Variants in DUS1L observed in about 807,000 individuals in gnomAD.
DUS1L encodes dihydrouridine synthase 1 like.
A neutral mutation model predicts 61.2 loss-of-function variants in DUS1L; 56 were observed. The observed-to-expected ratio is 0.92, with a 90% CI of 0.74 to 1.14. The LOEUF (loss-of-function observed/expected upper bound fraction) is 1.14. Among genes scored for constraint, DUS1L ranks in the 50% most tolerant of loss-of-function variants. DUS1L has a pLI of 0.00. For synonymous variants in DUS1L, 278 were observed against 259.5 expected, an observed-to-expected ratio of 1.07 and a Z score of -0.69; for missense variants, 630 against 632.4, an observed-to-expected ratio of 1.00 and a Z score of 0.04.
intron 3 of DUS1L, 68 bp from the exon 4 acceptor site, chr17:82,063,586 C>T (rs2033617034): frequency 1.3e-6 from 2 of 1,597,636 alleles, no homozygotes; most frequent in Non-Finnish European, 1.7e-6. Flanking sequence ...CCTTGCACCC[C>T]CTCTGCACCC....
intron 10 of DUS1L, 88 bp from the exon 11 acceptor site, chr17:82,060,181 G>T: frequency 1.3e-6 from 2 of 1,501,660 alleles, no homozygotes; most frequent in South Asian, 2.5e-5. Context: ...TGGGTGAGGG[G>T]CCAGGCGGCC....
At position 82,061,717 on chromosome 17, in the gene DUS1L, C is replaced by T. The variant is rs760199428; in HGVS notation, c.598G>A (p.Ala200Thr). 4 of 1,612,794 alleles carry T rather than the reference C, an allele frequency of 2.5e-6. No homozygotes were observed. Among genetic ancestry groups the T allele is most frequent in the Non-Finnish European group, 3.4e-6 (4 of 1,179,850 alleles). Residue 200 changes from alanine (A) to threonine (T), a missense_variant, in exon 7 of 14, where the codon GCT (alanine) becomes ACT (threonine). Ala to Thr is a moderately conservative substitution (Grantham distance 58). Coordinates refer to ENST00000306796, the MANE Select transcript of DUS1L (RefSeq NM_022156.5). ...TTAGCAAACACAGGGATGGCCACAG[C>T]CTTCCTGTTGGCAGAGAAATGCCTG... ...SWEHIKAVRK[A>T]VAIPVFANGN...
intron 3 of DUS1L, 53 bp downstream of exon 3, chr17:82,064,073 G>T: frequency 6.6e-7 from 1 of 1,521,042 alleles, no homozygotes; most frequent in Non-Finnish European, 9.0e-7. Context: ...GGGCTGCACT[G>T]AGCTGGCTCT....
chr17:82,063,791 C>A (rs899653971), intron 3 of DUS1L, among the ~76,000 whole-genome samples: 1 of 152,208 alleles, frequency 6.6e-6, no homozygotes, highest in African/African-American at 2.4e-5. Context: ...CGGTCTGGAA[C>A]CAAGTAACAC....
At chr17:82,062,217 G>A (rs1018853010) in intron 5 of DUS1L, among the ~76,000 whole-genome samples, 2 of 152,184 alleles carry the variant, frequency 1.3e-5, no homozygotes, top group Non-Finnish European at 1.5e-5. Context: ...CACTCTGTGG[G>A]AACCTCAGGC....
chr17:82,064,960 G>A lies in DUS1L; in HGVS notation c.100C>T (p.Leu34=). ...TGTGCCCCGTGGCGCCGGCTCAGCA[G>A]CCTCCAGGCCAGCTCGCTCTGGTCC... ...MVDQSELAWR[L]LSRRHGAQLC... The change falls in exon 2 of 14, where the codon CTG becomes TTG. Residue 34 remains leucine (L), a synonymous_variant. Transcript: ENST00000306796. 6.2e-7 allele frequency: 1 copy of A among 1,612,436 alleles called. No individual in the cohort carries two copies. The highest frequency in any genetic ancestry group is 8.5e-7 in the Non-Finnish European group (1 of 1,179,776).
Position 82,057,994 on chromosome 17 carries a change from G to A in DUS1L, c.*121C>T, listed in dbSNP as rs1166827145. On this transcript the variant is annotated 3_prime_UTR_variant, in exon 14 of 14. Coordinates refer to ENST00000306796, the MANE Select transcript of DUS1L (RefSeq NM_022156.5). ...TTCCAGGCCCCCAGAGTGGGCCGAA[G>A]GGGGACATGGGCGTGTCTTTCCACA... 3 of 1,314,710 alleles carry A rather than the reference G, an allele frequency of 2.3e-6. No individual in the cohort carries two copies. The South Asian group carries it at 5.3e-5, about 23-fold the overall frequency. 81.4% of individuals were successfully genotyped at this position (1,314,710 alleles called of 1,614,324 possible).
chr17:82,061,925 G>A lies in DUS1L; in HGVS notation c.569C>T (p.Ser190Phe), dbSNP rs1484292259. Reference sequence around the variant, plus strand: ...CCGCACAGCCTTGATATGCTCCCAGGACGCTGCACCCGACAGGGGCCCCTT... The same window carrying A: ...CCGCACAGCCTTGATATGCTCCCAGAACGCTGCACCCGACAGGGGCCCCTT... The part of the protein sequence containing the change: ...EQKGPLSGAA[S>F]WEHIKAVRKA... Residue 190 changes from serine to phenylalanine, a missense_variant, in exon 6 of 14, where the codon TCC becomes TTC. Ser to Phe is a radical substitution (Grantham distance 155). Coordinates refer to ENST00000306796, the MANE Select transcript of DUS1L (RefSeq NM_022156.5). 6.2e-7 allele frequency: 1 copy of A among 1,610,794 alleles called. No individual in the cohort carries two copies. The highest frequency in any genetic ancestry group is 8.5e-7 in the Non-Finnish European group (1 of 1,178,858).
In DUS1L at chr17:82,058,254, C is replaced by T; in HGVS notation, c.1283G>A (p.Gly428Asp). ...TTTGGTTTTAAAAAGCAATCCGTGA[C>T]CTGGCAGAGCGAGTGAGAGGAGTCG... ...RASKETADCP[G>D]HGLLFKTKLE... The change falls in exon 14 of 14, where the codon GGT becomes GAT. Residue 428 changes from glycine to aspartate, a missense_variant and splice_region_variant. By Grantham distance (94) the Gly-to-Asp change is moderately conservative. Coordinates refer to ENST00000306796, the MANE Select transcript of DUS1L (RefSeq NM_022156.5). 1.3e-6 allele frequency: 2 copies of T among 1,576,740 alleles called. No individual in the cohort carries two copies. Among genetic ancestry groups the T allele is most frequent in the Non-Finnish European group, 1.7e-6 (2 of 1,155,762 alleles).
chr17:82,058,670 T>C (rs771743965), intron 12 of DUS1L, 111 bp downstream of exon 12: 6 of 1,569,900 alleles, frequency 3.8e-6, no homozygotes, highest in African/African-American at 1.3e-5. Context: ...TTGAGCCACG[T>C]TGCAAACCCA....
At chr17:82,062,103 C>T in intron 5 of DUS1L, 120 bp from the exon 6 acceptor site, 1 of 869,722 alleles carries the variant, frequency 1.1e-6, no homozygotes, top group Non-Finnish European at 1.7e-6. Context: ...CTGCCCCTCC[C>T]AGCCCTGTGC....
intron 4 of DUS1L, 154 bp from the exon 5 acceptor site, chr17:82,063,127 G>A (rs1476078956): frequency 2.9e-6 from 2 of 692,570 alleles, no homozygotes; most frequent in Non-Finnish European, 4.9e-6. Context: ...GTCTCCCTCA[G>A]GTTGCTGGGC....
chr17:82,057,866 G>C lies in DUS1L; in HGVS notation c.*249C>G. On this transcript the variant is annotated 3_prime_UTR_variant, in exon 14 of 14. Transcript: ENST00000306796. ...GGGTCTGAGAGGGCAGTGGTCACAGGCTGTGGGCTCTCGCATCTTTGAAAT... is the reference window on the plus strand; with the variant it reads ...GGGTCTGAGAGGGCAGTGGTCACAGCCTGTGGGCTCTCGCATCTTTGAAAT... 1 of 381,640 alleles carries C rather than the reference G, an allele frequency of 2.6e-6. No homozygotes were observed. Among genetic ancestry groups the C allele is most frequent in the South Asian group, 6.8e-5 (1 of 14,636 alleles). The allele number at this position is 381,640 out of a possible 1,614,324, so 23.6% of individuals were successfully genotyped here. A position where few individuals can be genotyped will look rare whatever the true frequency, so the allele number is the denominator to read the frequency against.
At position 82,064,806 on chromosome 17, in the gene DUS1L, C is replaced by T; in HGVS notation, c.237+17G>A. On this transcript the variant is annotated intron_variant, in intron 2 of 13. Coordinates refer to ENST00000306796, the MANE Select transcript of DUS1L (RefSeq NM_022156.5). Reference sequence around the variant, plus strand: ...GGGAACCCAACCGCGGCCGCGGCCACAGCCCCTCCTGCGCACCTGCACGAT... The same window carrying T: ...GGGAACCCAACCGCGGCCGCGGCCATAGCCCCTCCTGCGCACCTGCACGAT... 1 of 1,595,056 alleles carries T rather than the reference C, an allele frequency of 6.3e-7. No individual in the cohort carries two copies. The highest frequency in any genetic ancestry group is 8.5e-7 in the Non-Finnish European group (1 of 1,170,082).
rs1477993744 is a variant in DUS1L, at chr17:82,057,995, G to A, written c.*120C>T. The A allele has an allele frequency of 1.5e-6, 2 of 1,318,738 alleles. No homozygotes were observed. Among genetic ancestry groups the A allele is most frequent in the Non-Finnish European group, 2.0e-6 (2 of 1,000,732 alleles). 81.7% of individuals were successfully genotyped at this position (1,318,738 alleles called of 1,614,324 possible). A position where few individuals can be genotyped will look rare whatever the true frequency, so the allele number is the denominator to read the frequency against. Reference sequence around the variant, plus strand: ...TCCAGGCCCCCAGAGTGGGCCGAAGGGGGACATGGGCGTGTCTTTCCACAT... The same window carrying A: ...TCCAGGCCCCCAGAGTGGGCCGAAGAGGGACATGGGCGTGTCTTTCCACAT... On this transcript the variant is annotated 3_prime_UTR_variant, in exon 14 of 14. Coordinates refer to ENST00000306796, the MANE Select transcript of DUS1L (RefSeq NM_022156.5).
intron 10 of DUS1L, 198 bp downstream of exon 10, chr17:82,060,503 C>T: frequency 1.5e-6 from 1 of 651,490 alleles, no homozygotes; most frequent in South Asian, 2.0e-5. Flanking sequence ...GAGCCACCAG[C>T]ATCCTCCACC....
chr17:82,065,622 G>T lies in DUS1L; in HGVS notation c.-20C>A, dbSNP rs1315494378. On this transcript the variant is annotated 5_prime_UTR_variant, in exon 1 of 14. Transcript: ENST00000306796. Reference sequence around the variant, plus strand: ...GCCTCCGCGTCCTCACCGCGCGAGGGCCCCGCCGTGTCCGCCGCGCGCCTT... The same window carrying T: ...GCCTCCGCGTCCTCACCGCGCGAGGTCCCCGCCGTGTCCGCCGCGCGCCTT... 1 of 151,166 alleles carries T rather than the reference G, an allele frequency of 6.6e-6. No homozygotes were observed. Among genetic ancestry groups the T allele is most frequent in the African/African-American group, 2.4e-5 (1 of 41,374 alleles). The allele number at this position is 151,166 out of a possible 1,614,324, so 9.4% of individuals were successfully genotyped here.
At chr17:82,058,909 T>G (rs1021960418) in intron 11 of DUS1L, 91 bp from the exon 12 acceptor site, 4 of 1,220,152 alleles carry the variant, frequency 3.3e-6, no homozygotes, top group Non-Finnish European at 4.8e-6. Context: ...AGCCTGCTGA[T>G]GGCGTCCATG....
rs1358970709 is a variant in DUS1L, at chr17:82,057,880, C to T, written c.*235G>A. ...AGTGGTCACAGGCTGTGGGCTCTCGCATCTTTGAAATGATTTATTGTTCAC... is the reference window on the plus strand; with the variant it reads ...AGTGGTCACAGGCTGTGGGCTCTCGTATCTTTGAAATGATTTATTGTTCAC... On this transcript the variant is annotated 3_prime_UTR_variant, in exon 14 of 14. Coordinates refer to ENST00000306796, the MANE Select transcript of DUS1L (RefSeq NM_022156.5). 7.4e-6 allele frequency: 3 copies of T among 407,628 alleles called. No homozygotes were observed. The highest frequency in any genetic ancestry group is 1.3e-5 in the Non-Finnish European group (3 of 233,640). 25.3% of individuals were successfully genotyped at this position (407,628 alleles called of 1,614,324 possible).
Sources: allele counts gnomAD v4.1 joint callset (sites outside exome capture counted in the v4.1 genomes callset), GRCh38; gene constraint gnomAD v4.1.1; transcripts MANE v1.5; gene names NCBI Gene and HGNC (gene_info 2026-07-23, HGNC 2026-07-21).